RBFOX1: variants seen among roughly 807,000 people sequenced by gnomAD.
RBFOX1 encodes RNA binding fox-1 homolog 1.
Under a neutral mutation model 57.7 loss-of-function variants are expected in RBFOX1, and 8 were observed. The observed-to-expected ratio is 0.14, with a 90% CI of 0.08 to 0.25. RBFOX1 has a LOEUF of 0.25. Ranked by LOEUF, RBFOX1 falls within the 10% of genes least tolerant of loss-of-function variation. RBFOX1 has a pLI of 1.00. For missense variants in RBFOX1, 611 were observed against 548.5 expected (o/e 1.11, Z -1.14); for synonymous variants, 326 against 222.4 (o/e 1.47, Z -4.15).
At chr16:6,314,850 C>A (rs529335170) in intron 1 of RBFOX1, among the ~76,000 whole-genome samples, 21 of 152,272 alleles carry the variant, frequency 1.4e-4, no homozygotes, top group African/African-American at 4.8e-4. Context: ...TAGAAGAGAA[C>A]CATGTATTTT....
At chr16:6,355,174 G>A (rs1038240749) in intron 2 of RBFOX1, among the ~76,000 whole-genome samples, 1 of 152,136 alleles carries the variant, frequency 6.6e-6, no homozygotes, top group Non-Finnish European at 1.5e-5. Flanking sequence ...TGGGGTACAT[G>A]TGCAGAACGT....
intron 3 of RBFOX1, among the ~76,000 whole-genome samples, chr16:6,955,226 G>GT (rs1311006716): frequency 6.6e-6 from 1 of 152,046 alleles, no homozygotes; most frequent in Non-Finnish European, 1.5e-5. Flanking sequence ...GCGCAACAGA[G>GT]TGAGACCTTG....
At chr16:7,707,188 C>T (rs920183959) in intron 14 of RBFOX1, among the ~76,000 whole-genome samples, 1 of 152,150 alleles carries the variant, frequency 6.6e-6, no homozygotes, top group African/African-American at 2.4e-5. Flanking sequence ...TTGACACAGG[C>T]AGATGGGCTT....
chr16:6,239,300 T>C (rs1246715687), intron 1 of RBFOX1, among the ~76,000 whole-genome samples: 3 of 152,068 alleles, frequency 2.0e-5, no homozygotes, highest in African/African-American at 7.2e-5. Flanking sequence ...ACAGTCCTTG[T>C]TGGGGTTATT....
chr16:7,672,025 C>G (rs146388041), intron 13 of RBFOX1, among the ~76,000 whole-genome samples: 2 of 152,284 alleles, frequency 1.3e-5, no homozygotes, highest in East Asian at 3.9e-4. Flanking sequence ...TTAGTAGGTT[C>G]CCAGAGTGAA....
At chr16:7,006,336 G>T (rs772941459) in intron 3 of RBFOX1, among the ~76,000 whole-genome samples, 1 of 152,042 alleles carries the variant, frequency 6.6e-6, no homozygotes, top group Non-Finnish European at 1.5e-5. Flanking sequence ...TGTATTTTTA[G>T]TAGGGACGGG....
chr16:5,359,523 G>A (rs980393782), intron 1 of RBFOX1, among the ~76,000 whole-genome samples: 5 of 152,206 alleles, frequency 3.3e-5, no homozygotes, highest in Admixed American at 6.5e-5. Context: ...GGGTGCGATG[G>A]CATCTCACTG....
chr16:7,488,878 A>C (rs975551544), intron 4 of RBFOX1, among the ~76,000 whole-genome samples: 1 of 152,056 alleles, frequency 6.6e-6, no homozygotes, highest in Non-Finnish European at 1.5e-5. Context: ...CTACTTATCT[A>C]CTGTCATTTT....
chr16:6,164,164 G>C (rs2096899189), intron 1 of RBFOX1, among the ~76,000 whole-genome samples: 1 of 152,114 alleles, frequency 6.6e-6, no homozygotes, highest in African/African-American at 2.4e-5. Context: ...ATCATCCAAA[G>C]ACTACACTGC....
chr16:6,760,977 C>T (rs1040856816), intron 3 of RBFOX1, among the ~76,000 whole-genome samples: 3 of 152,148 alleles, frequency 2.0e-5, no homozygotes, highest in Non-Finnish European at 2.9e-5. Flanking sequence ...AGCTCTCTCC[C>T]TAAAAGTTGA....
intron 3 of RBFOX1, among the ~76,000 whole-genome samples, chr16:5,809,027 C>A (rs1009377978): frequency 6.6e-6 from 1 of 152,132 alleles, no homozygotes; most frequent in African/African-American, 2.4e-5. Context: ...TGCGTATCTA[C>A]AACTATCTGG....
At chr16:7,268,791 T>C (rs758604464) in intron 4 of RBFOX1, among the ~76,000 whole-genome samples, 1 of 152,022 alleles carries the variant, frequency 6.6e-6, no homozygotes, top group Non-Finnish European at 1.5e-5. Flanking sequence ...CACAGCACTT[T>C]GGGAGGCCGA....
intron 5 of RBFOX1, among the ~76,000 whole-genome samples, chr16:7,520,443 C>T (rs1045253552): frequency 1.3e-5 from 2 of 152,182 alleles, no homozygotes; most frequent in Non-Finnish European, 2.9e-5. Flanking sequence ...CTCTCCCCGG[C>T]CCCTGGCAAC....
chr16:6,292,462 A>G (rs2077573256), intron 1 of RBFOX1, among the ~76,000 whole-genome samples: 1 of 152,086 alleles, frequency 6.6e-6, no homozygotes, highest in African/African-American at 2.4e-5. Context: ...AAAGTTCTTC[A>G]ATAATTCAGT....
At chr16:6,452,857 G>C (rs1008581) in intron 2 of RBFOX1, among the ~76,000 whole-genome samples, 124,124 of 152,060 alleles carry the variant, frequency 0.82, 50,785 homozygotes, top group East Asian at 0.93. Flanking sequence ...CCCTAGGGGG[G>C]TCCTGAGTAG....
chr16:6,838,176 C>T (rs908158244), intron 3 of RBFOX1, among the ~76,000 whole-genome samples: 12 of 152,118 alleles, frequency 7.9e-5, no homozygotes, highest in Non-Finnish European at 1.6e-4. Context: ...TCTACCTCCC[C>T]TTGCCCCCTA....
chr16:5,925,628 T>C (rs2152237427), intron 4 of RBFOX1, among the ~76,000 whole-genome samples: 1 of 152,338 alleles, frequency 6.6e-6, no homozygotes, highest in East Asian at 1.9e-4. Context: ...ATAAAATGAT[T>C]AACATAGTGA....
intron 1 of RBFOX1, among the ~76,000 whole-genome samples, chr16:5,325,083 G>A (rs1158428924): frequency 6.6e-6 from 1 of 152,182 alleles, no homozygotes; most frequent in Admixed American, 6.5e-5. Context: ...GTTAAAAAAA[G>A]TACCTGCATT....
intron 4 of RBFOX1, among the ~76,000 whole-genome samples, chr16:7,191,358 C>G (rs1222835576): frequency 1.3e-5 from 2 of 149,852 alleles, no homozygotes; most frequent in Non-Finnish European, 3.0e-5. Context: ...AAAAACAGCA[C>G]ATTGCTACAA....
Sources: allele counts gnomAD v4.1 joint callset (sites outside exome capture counted in the v4.1 genomes callset), GRCh38; gene constraint gnomAD v4.1.1; transcripts MANE v1.5; gene names NCBI Gene and HGNC (gene_info 2026-07-23, HGNC 2026-07-21).